Variants in TGS1 observed in about 807,000 individuals in gnomAD.
The protein encoded by TGS1 is trimethylguanosine synthase 1.
A neutral mutation model predicts 92.2 loss-of-function variants in TGS1; 69 were observed. The ratio of observed to expected loss-of-function variants is 0.75; its 90% CI spans 0.62 to 0.91. The LOEUF (loss-of-function observed/expected upper bound fraction) is 0.91, where lower values mean the gene tolerates loss of function less well. TGS1 is among the 40% of genes least tolerant of loss of function. TGS1 has a pLI of 0.00. For missense variants in TGS1, 1,062 were observed against 1,001.2 expected (o/e 1.06, Z -0.82); for synonymous variants, 345 against 338.1 (o/e 1.02, Z -0.22).
Position 55,786,512 on chromosome 8 carries a change from A to G in TGS1, c.614A>G (p.Tyr205Cys), listed in dbSNP as rs373074276. ...TEKWEKYWNE[Y>C]GGGLLWQSWQ... ...AAATGGGAAAAGTATTGGAATGAAT[A>G]TGGAGGAGGACTATTGTGGCAAAGT... The change falls in exon 4 of 13, where the codon TAT becomes TGT. Residue 205 changes from tyrosine (Y) to cysteine (C), a missense_variant. By Grantham distance (194) the Tyr-to-Cys change is radical. Transcript: ENST00000260129. 10 of 1,614,086 alleles carry G rather than the reference A, an allele frequency of 6.2e-6. No homozygotes were observed. In the Admixed American group the frequency reaches 6.7e-5, roughly 11 times the overall value.
chr8:55,786,002 T>C (rs1811699234), intron 3 of TGS1, 111 bp downstream of exon 3: 1 of 844,388 alleles, frequency 1.2e-6, no homozygotes. Flanking sequence ...GCTCTCTACC[T>C]CTTTTTAAAT....
At position 55,826,205 on chromosome 8, in the gene TGS1, T is replaced by G. The variant is rs1173852839; in HGVS notation, c.*1502T>G. On this transcript the variant is annotated 3_prime_UTR_variant, in exon 13 of 13. Coordinates refer to ENST00000260129, the MANE Select transcript of TGS1 (RefSeq NM_024831.8). ...ATGGCAGGTGAAGTAAAGGCAGATT[T>G]CCAAAATCACTAATTTTTTTTAGTT... Among the ~76,000 whole-genome samples, 2 of 152,188 alleles carry G rather than the reference T, an allele frequency of 1.3e-5. No homozygotes were observed. The highest frequency in any genetic ancestry group is 6.5e-5 in the Admixed American group (1 of 15,276).
chr8:55,781,848 C>T (rs1416734779), intron 1 of TGS1, among the ~76,000 whole-genome samples: 1 of 152,146 alleles, frequency 6.6e-6, no homozygotes, highest in Non-Finnish European at 1.5e-5. Flanking sequence ...CTTCTTGTGG[C>T]AGTTACAGTG....
intron 12 of TGS1, among the ~76,000 whole-genome samples, chr8:55,814,463 C>G (rs1169512447): frequency 6.6e-6 from 1 of 151,746 alleles, no homozygotes; most frequent in Non-Finnish European, 1.5e-5. Flanking sequence ...GCCTTTCATC[C>G]GTTTATGATC....
chr8:55,819,783 C>A (rs1803582891), intron 12 of TGS1, among the ~76,000 whole-genome samples: 1 of 152,178 alleles, frequency 6.6e-6, no homozygotes, highest in African/African-American at 2.4e-5. Context: ...ATATTTTCTT[C>A]TTTCACCTCC....
chr8:55,815,930 A>T (rs1563470290), intron 12 of TGS1, among the ~76,000 whole-genome samples: 1 of 150,960 alleles, frequency 6.6e-6, no homozygotes. Flanking sequence ...TTATTTATTT[A>T]TTTATTTATT....
chr8:55,790,052 G>A (rs750304001), intron 4 of TGS1, 130 bp from the exon 5 acceptor site: 1 of 661,802 alleles, frequency 1.5e-6, no homozygotes, highest in East Asian at 2.6e-5. Flanking sequence ...GTAGATGTGA[G>A]CTGGCACTTT....
chr8:55,778,996 A>G (rs558505686), intron 1 of TGS1, among the ~76,000 whole-genome samples: 1 of 152,298 alleles, frequency 6.6e-6, no homozygotes, highest in East Asian at 1.9e-4. Context: ...TAGTGGGATT[A>G]CTACAATCCA....
chr8:55,810,814 G>A (rs1471236078), intron 10 of TGS1, 67 bp from the exon 11 acceptor site: 4 of 1,345,376 alleles, frequency 3.0e-6, no homozygotes, highest in Non-Finnish European at 4.2e-6. Context: ...CTATTCGAAA[G>A]ACAAACTATC....
chr8:55,817,618 T>A (rs1226189569), intron 12 of TGS1, among the ~76,000 whole-genome samples: 3 of 152,232 alleles, frequency 2.0e-5, no homozygotes, highest in African/African-American at 7.2e-5. Flanking sequence ...ATACTAGATT[T>A]TTTTAATTTG....
In TGS1 at chr8:55,824,585, C is replaced by G; in HGVS notation, c.2444C>G (p.Ala815Gly). ...LPRNADIDQVASLAGPGGQVE... is the reference protein window; with the variant it reads ...LPRNADIDQVGSLAGPGGQVE... ...TTCTTCTGTTCATCTTTTTAGGTGG[C>G]ATCCTTAGCTGGGCCTGGAGGGCAA... Residue 815 changes from alanine (A) to glycine (G), a missense_variant, in exon 13 of 13, where the codon GCA (alanine) becomes GGA (glycine). Transcript: ENST00000260129. 1 of 1,614,042 alleles carries G rather than the reference C, an allele frequency of 6.2e-7. No homozygotes were observed. The highest frequency in any genetic ancestry group is 1.7e-5 in the Admixed American group (1 of 59,994).
At chr8:55,784,405 G>C (rs987692891) in intron 2 of TGS1, among the ~76,000 whole-genome samples, 5 of 152,100 alleles carry the variant, frequency 3.3e-5, no homozygotes, top group African/African-American at 1.2e-4. Context: ...TTGTCTGAGT[G>C]GTGATCGCTT....
chr8:55,822,585 G>A (rs1305377340), intron 12 of TGS1, among the ~76,000 whole-genome samples: 1 of 146,692 alleles, frequency 6.8e-6, no homozygotes, highest in Non-Finnish European at 1.5e-5. Context: ...AAAAAAACCA[G>A]ACTGGCATAA....
chr8:55,792,018 T>C (rs557094918), intron 5 of TGS1, among the ~76,000 whole-genome samples: 1 of 152,368 alleles, frequency 6.6e-6, no homozygotes, highest in South Asian at 2.1e-4. Context: ...GTGCCTCTAC[T>C]GTGCTACCTC....
chr8:55,818,640 G>A (rs1362580139), intron 12 of TGS1, among the ~76,000 whole-genome samples: 1 of 152,382 alleles, frequency 6.6e-6, no homozygotes, highest in South Asian at 2.1e-4. Flanking sequence ...TAGAGGGGTT[G>A]TGGAACTGAT....
At chr8:55,804,334 A>C (rs1812302539) in intron 9 of TGS1, among the ~76,000 whole-genome samples, 1 of 152,184 alleles carries the variant, frequency 6.6e-6, no homozygotes, top group African/African-American at 2.4e-5. Context: ...CCAACTACTC[A>C]GGAGGCTGAA....
chr8:55,787,212 C>G (rs1285533398), intron 4 of TGS1, 152 bp downstream of exon 4: 2 of 602,938 alleles, frequency 3.3e-6, no homozygotes, highest in Non-Finnish European at 5.7e-6. Flanking sequence ...GTTTTCATAT[C>G]ACAAGTTATC....
intron 12 of TGS1, among the ~76,000 whole-genome samples, chr8:55,821,816 T>C (rs569754633): frequency 1.3e-5 from 2 of 151,618 alleles, no homozygotes; most frequent in South Asian, 4.2e-4. Context: ...GAGCTTGCAG[T>C]ACTAGCCGAG....
At chr8:55,794,361 ATTCC>A (rs1292607722) in intron 6 of TGS1, among the ~76,000 whole-genome samples, 1 of 152,202 alleles carries the variant, frequency 6.6e-6, no homozygotes, top group Non-Finnish European at 1.5e-5. Flanking sequence ...CAGTCCATTT[ATTCC>A]TTCTTATTGC....
Sources: gnomAD v4.1 joint callset for allele counts (sites outside exome capture counted in the v4.1 genomes callset) on GRCh38, gnomAD v4.1.1 for gene constraint, MANE v1.5 for transcripts, NCBI Gene and HGNC (gene_info 2026-07-23, HGNC 2026-07-21) for gene names.